DISP2: variants seen among roughly 807,000 people sequenced by gnomAD.
DISP2 encodes the protein dispatched RND transporter family member 2.
A neutral mutation model predicts 95.5 loss-of-function variants in DISP2; 59 were observed. The ratio of observed to expected loss-of-function variants is 0.62; its 90% CI spans 0.50 to 0.77. The LOEUF is 0.77. Ranked by LOEUF, DISP2 falls within the 30% of genes least tolerant of loss-of-function variation. DISP2 has a pLI of 0.00. For missense variants in DISP2, 1,752 were observed against 1,854.6 expected, an observed-to-expected ratio of 0.94 and a Z score of 1.02; for synonymous variants, 827 against 815.0, an observed-to-expected ratio of 1.01 and a Z score of -0.25.
chr15:40,362,461 A>G (rs1343765294), intron 1 of DISP2, among the ~76,000 whole-genome samples: 1 of 152,236 alleles, frequency 6.6e-6, no homozygotes, highest in Non-Finnish European at 1.5e-5. Flanking sequence ...TCATTCAACA[A>G]ACATTTCCAG....
chr15:40,376,009 T>G lies in DISP2; in HGVS notation c.*5691T>G, dbSNP rs963836806. The G allele has an allele frequency of 6.6e-6, 1 of 152,182 alleles. No individual in the cohort carries two copies. Among genetic ancestry groups the G allele is most frequent in the African/African-American group, 2.4e-5 (1 of 41,434 alleles). 9.4% of individuals were successfully genotyped at this position (152,182 alleles called of 1,614,324 possible). On this transcript the variant is annotated 3_prime_UTR_variant, in exon 8 of 8. Coordinates refer to ENST00000267889, the MANE Select transcript of DISP2 (RefSeq NM_033510.3). ...GAGAATGCTCTGCTTGAGGAAGTCC[T>G]TGAAAGAGCAAAGCCTGGAGAGCTT... is the stretch of plus-strand genomic sequence containing the variant.
rs1889633685 is a variant in DISP2, at chr15:40,370,868, T to C, written c.*550T>C. On this transcript the variant is annotated 3_prime_UTR_variant, in exon 8 of 8. Transcript: ENST00000267889. ...GGACCTCTCTCCCCAACTGCCCTGCTCTCCTCATACTCACCGGTTTGACCA... is the reference window on the plus strand; with the variant it reads ...GGACCTCTCTCCCCAACTGCCCTGCCCTCCTCATACTCACCGGTTTGACCA... 1 of 327,150 alleles carries C rather than the reference T, an allele frequency of 3.1e-6. No homozygotes were observed. The allele number at this position is 327,150 out of a possible 1,614,324, so 20.3% of individuals were successfully genotyped here. A position where few individuals can be genotyped will look rare whatever the true frequency, so the allele number is the denominator to read the frequency against.
chr15:40,358,346 A>AGCG lies in DISP2; in HGVS notation c.31_33dup (p.Gly11dup), dbSNP rs778727789. On this transcript the variant is annotated inframe_insertion, in exon 1 of 8. Coordinates refer to ENST00000267889, the MANE Select transcript of DISP2 (RefSeq NM_033510.3). Reference sequence around the variant, plus strand: ...CATGGACGGTGACAGCAGCAGCAGCAGCGGCGGCAGCGGTCCGGCTCCCGG... The same window carrying AGCG: ...CATGGACGGTGACAGCAGCAGCAGCAGCGGCGGCGGCAGCGGTCCGGCTCCCGG... 2 of 1,385,340 alleles carry AGCG rather than the reference A, an allele frequency of 1.4e-6. No homozygotes were observed. Among genetic ancestry groups the AGCG allele is most frequent in the Middle Eastern group, 4.8e-4 (2 of 4,192 alleles). The allele number at this position is 1,385,340 out of a possible 1,614,324, so 85.8% of individuals were successfully genotyped here.
Position 40,367,176 on chromosome 15 carries a change from A to G in DISP2, c.1064A>G (p.Asp355Gly). The part of the protein sequence containing the change: ...AVLSNRSSCL[D>G]TTQADAARTL... ...CTCTCCAACCGCTCCTCCTGCCTGG[A>G]CACTACCCAAGCTGACGCAGCCCGC... Residue 355 changes from aspartate to glycine, a missense_variant, in exon 8 of 8, where the codon GAC (aspartate) becomes GGC (glycine). Coordinates refer to ENST00000267889, the MANE Select transcript of DISP2 (RefSeq NM_033510.3). 4.3e-6 allele frequency: 7 copies of G among 1,613,894 alleles called. No homozygotes were observed. The highest frequency in any genetic ancestry group is 5.1e-6 in the Non-Finnish European group (6 of 1,179,992).
rs1889568845 is a variant in DISP2, at chr15:40,368,760, G to A, written c.2648G>A (p.Gly883Asp). 1 of 1,613,804 alleles carries A rather than the reference G, an allele frequency of 6.2e-7. No homozygotes were observed. The highest frequency in any genetic ancestry group is 8.5e-7 in the Non-Finnish European group (1 of 1,180,036). Residue 883 changes from glycine to aspartate, a missense_variant, in exon 8 of 8, where the codon GGC (glycine) becomes GAC (aspartate). Gly to Asp is a moderately conservative substitution (Grantham distance 94). Transcript: ENST00000267889. ...CTGAAAATGATGGCTCTGGAGCAAG[G>A]CCCCGATGGCACCCAGGACCTGGGA... ...HCLKMMALEQGPDGTQDLGLR... is the reference protein window; with the variant it reads ...HCLKMMALEQDPDGTQDLGLR...
Position 40,370,635 on chromosome 15 carries a change from C to A in DISP2, c.*317C>A. 1 of 564,238 alleles carries A rather than the reference C, an allele frequency of 1.8e-6. No homozygotes were observed. The highest frequency in any genetic ancestry group is 2.7e-4 in the Middle Eastern group (1 of 3,694). The allele number at this position is 564,238 out of a possible 1,614,324, so 35.0% of individuals were successfully genotyped here. ...AGGCCAGATGTGTAGCTTCGGGTAT[C>A]AGAGGAGGCTGACCTGGCCCCCATC... On this transcript the variant is annotated 3_prime_UTR_variant, in exon 8 of 8. Coordinates refer to ENST00000267889, the MANE Select transcript of DISP2 (RefSeq NM_033510.3).
Position 40,370,368 on chromosome 15 carries a change from A to C in DISP2, c.*50A>C. 6.6e-7 allele frequency: 1 copy of C among 1,506,438 alleles called. No individual in the cohort carries two copies. Among genetic ancestry groups the C allele is most frequent in the Non-Finnish European group, 8.8e-7 (1 of 1,131,872 alleles). The allele number at this position is 1,506,438 out of a possible 1,614,324, so 93.3% of individuals were successfully genotyped here. A position where few individuals can be genotyped will look rare whatever the true frequency, so the allele number is the denominator to read the frequency against. On this transcript the variant is annotated 3_prime_UTR_variant, in exon 8 of 8. Coordinates refer to ENST00000267889, the MANE Select transcript of DISP2 (RefSeq NM_033510.3). The stretch of plus-strand genomic sequence containing the variant: ...GGCGCGGAACCCTGTCATGGATGAC[A>C]AGGCAAGGGCAGCAATAGGCTGGAG...
rs1230791211 is a variant in DISP2, at chr15:40,358,244, TGCCGCCGCCACCGCCGCC to T, written c.-68_-51del. On this transcript the variant is annotated 5_prime_UTR_variant, in exon 1 of 8. Transcript: ENST00000267889. Reference sequence around the variant, plus strand: ...ATGCGCACGAGCACCCCGCCGCCGCTGCCGCCGCCACCGCCGCCGCCGCCGCCGCCGCCGCGGCTTCAG... The same window carrying T: ...ATGCGCACGAGCACCCCGCCGCCGCTGCCGCCGCCGCCGCCGCGGCTTCAG... 7.3e-4 allele frequency: 573 copies of T among 779,904 alleles called. 3 individuals are homozygous for T. The African/African-American group carries it at 9.7e-3, about 13-fold the overall frequency. The allele number at this position is 779,904 out of a possible 1,614,324, so 48.3% of individuals were successfully genotyped here.
In DISP2 at chr15:40,370,175, G is replaced by A. The variant is rs146679685; in HGVS notation, c.4063G>A (p.Ala1355Thr). The A allele has an allele frequency of 9.3e-6, 15 of 1,611,722 alleles. No individual in the cohort carries two copies. The highest frequency in any genetic ancestry group is 3.3e-4 in the Middle Eastern group (2 of 6,076). Residue 1355 changes from alanine (A) to threonine (T), a missense_variant, in exon 8 of 8, where the codon GCT (alanine) becomes ACT (threonine). Physicochemically the swap from Ala to Thr is moderately conservative, Grantham distance 58. Coordinates refer to ENST00000267889, the MANE Select transcript of DISP2 (RefSeq NM_033510.3). The stretch of plus-strand genomic sequence containing the variant: ...GACAGTGTATGACCCATCATTGCCC[G>A]CTTCCCATCACAGCAGCTTGTCCTG... Reference protein sequence around the residue: ...RETVYDPSLPASHHSSLSWKG... With the variant: ...RETVYDPSLPTSHHSSLSWKG...
rs936277823 is a variant in DISP2 at position 40,371,497 on chromosome 15, A to G, written c.*1179A>G. 2 of 152,262 alleles carry G rather than the reference A, an allele frequency of 1.3e-5. No homozygotes were observed. The highest frequency in any genetic ancestry group is 2.9e-5 in the Non-Finnish European group (2 of 68,094). The allele number at this position is 152,262 out of a possible 1,614,324, so 9.4% of individuals were successfully genotyped here. ...CGTGCCTCTTCTACAGCCACAGTGT[A>G]TAAGAGGCCCCACCAGAAGAGGTAC... On this transcript the variant is annotated 3_prime_UTR_variant, in exon 8 of 8. Transcript: ENST00000267889.
At chr15:40,361,643 G>A (rs761545230) in intron 1 of DISP2, among the ~76,000 whole-genome samples, 9 of 152,196 alleles carry the variant, frequency 5.9e-5, no homozygotes, top group Middle Eastern at 3.2e-3. Context: ...GTACTGCCGG[G>A]CCAGCCTGCC....
chr15:40,359,372 C>A (rs1889372225), intron 1 of DISP2, among the ~76,000 whole-genome samples: 1 of 152,256 alleles, frequency 6.6e-6, no homozygotes, highest in Non-Finnish European at 1.5e-5. Context: ...GAAAGCCCCA[C>A]AAGTAGAGAG....
In DISP2 at chr15:40,368,415, G is replaced by T; in HGVS notation, c.2303G>T (p.Gly768Val). ...GAGCAGCTGCCGCAGGGCGAGGGCG[G>T]CCACATGCCCGTGGTTTTGGTGTGG... is the stretch of plus-strand genomic sequence containing the variant. ...LFEQLPQGEG[G>V]HMPVVLVWGV... is the part of the protein sequence containing the mutation. Residue 768 changes from glycine to valine, a missense_variant, in exon 8 of 8, where the codon GGC (glycine) becomes GTC (valine). This residue lies in a region of DISP2 where 732 missense variants were observed against 714.6 expected (regional missense o/e 1.02). Coordinates refer to ENST00000267889, the MANE Select transcript of DISP2 (RefSeq NM_033510.3). 6.2e-7 allele frequency: 1 copy of T among 1,608,936 alleles called. No homozygotes were observed. Among genetic ancestry groups the T allele is most frequent in the East Asian group, 2.2e-5 (1 of 44,862 alleles).
chr15:40,369,758 G>A lies in DISP2; in HGVS notation c.3646G>A (p.Glu1216Lys), dbSNP rs1372840237. ...CCCACCAGCCCCTGCCTCCCCAAGG[G>A]AGCTGCTGCTGGACCACCAGGCAGT... is the stretch of plus-strand genomic sequence containing the variant. ...RPPPAPASPR[E>K]LLLDHQAVFS... Residue 1216 changes from glutamate to lysine, a missense_variant, in exon 8 of 8, where the codon GAG (glutamate) becomes AAG (lysine). Physicochemically the swap from Glu to Lys is moderately conservative, Grantham distance 56. Around this residue, in one of 5 missense-constraint regions of DISP2, gnomAD observed 347 missense variants for 344.2 expected, o/e 1.01. Transcript: ENST00000267889. The A allele has an allele frequency of 1.2e-6, 2 of 1,606,974 alleles. No homozygotes were observed. Among genetic ancestry groups the A allele is most frequent in the South Asian group, 1.1e-5 (1 of 91,010 alleles).
rs1469175314 is a variant in DISP2 at position 40,374,801 on chromosome 15, G to A, written c.*4483G>A. 1 of 150,986 alleles carries A rather than the reference G, an allele frequency of 6.6e-6. No individual in the cohort carries two copies. The highest frequency in any genetic ancestry group is 1.5e-5 in the Non-Finnish European group (1 of 67,700). The allele number at this position is 150,986 out of a possible 1,614,324, so 9.4% of individuals were successfully genotyped here. On this transcript the variant is annotated 3_prime_UTR_variant, in exon 8 of 8. Transcript: ENST00000267889. Reference sequence around the variant, plus strand: ...ATTTTTTGTATTTTTAGTAAAGACGGGGTTTCATTGTGTTAGCCAGGATGG... The same window carrying A: ...ATTTTTTGTATTTTTAGTAAAGACGAGGTTTCATTGTGTTAGCCAGGATGG...
chr15:40,370,407 C>G lies in DISP2; in HGVS notation c.*89C>G, dbSNP rs1372695892. On this transcript the variant is annotated 3_prime_UTR_variant, in exon 8 of 8. Coordinates refer to ENST00000267889, the MANE Select transcript of DISP2 (RefSeq NM_033510.3). ...AATAGGCTGGAGCCCGAAGGTATTTCTCCAGATCCACAGGGAGAGGTCTCA... is the reference window on the plus strand; with the variant it reads ...AATAGGCTGGAGCCCGAAGGTATTTGTCCAGATCCACAGGGAGAGGTCTCA... The G allele has an allele frequency of 2.7e-6, 4 of 1,494,246 alleles. No individual in the cohort carries two copies. The highest frequency in any genetic ancestry group is 2.2e-5 in the Admixed American group (1 of 44,934). The allele number at this position is 1,494,246 out of a possible 1,614,324, so 92.6% of individuals were successfully genotyped here. A position where few individuals can be genotyped will look rare whatever the true frequency, so the allele number is the denominator to read the frequency against.
intron 5 of DISP2, 34 bp from the exon 6 acceptor site, chr15:40,365,113 A>G (rs1274455586): frequency 5.0e-6 from 8 of 1,607,958 alleles, no homozygotes; most frequent in Non-Finnish European, 6.8e-6. Flanking sequence ...TCCAACCCTA[A>G]TGGTGCCTGG....
intron 1 of DISP2, among the ~76,000 whole-genome samples, chr15:40,361,923 G>A (rs1007879779): frequency 6.6e-6 from 1 of 152,228 alleles, no homozygotes; most frequent in Non-Finnish European, 1.5e-5. Flanking sequence ...GCTCTGCAAG[G>A]CTGACCAGTC....
In DISP2 at chr15:40,363,786, C is replaced by A; in HGVS notation, c.281C>A (p.Thr94Asn). Residue 94 changes from threonine (T) to asparagine (N), a missense_variant, in exon 2 of 8, where the codon ACC becomes AAC. By Grantham distance (65) the Thr-to-Asn change is moderately conservative (BLOSUM62 0). Transcript: ENST00000267889. Reference sequence around the variant, plus strand: ...AGCCCCTTGGCCCCTGCCCACTTCACCTATCCCCGGGCACTGCAGGAATAC... The same window carrying A: ...AGCCCCTTGGCCCCTGCCCACTTCAACTATCCCCGGGCACTGCAGGAATAC... Reference protein sequence around the residue: ...PSSPLAPAHFTYPRALQEYQG... With the variant: ...PSSPLAPAHFNYPRALQEYQG... 1 of 1,613,396 alleles carries A rather than the reference C, an allele frequency of 6.2e-7. No homozygotes were observed. The highest frequency in any genetic ancestry group is 1.3e-5 in the African/African-American group (1 of 75,050).
Sources: allele counts gnomAD v4.1 joint callset (sites outside exome capture counted in the v4.1 genomes callset), GRCh38; gene constraint gnomAD v4.1.1; regional missense constraint gnomAD v4.1.1; transcripts MANE v1.5; gene names NCBI Gene and HGNC (gene_info 2026-07-23, HGNC 2026-07-21).